SNAP47: variants seen among roughly 807,000 people sequenced by gnomAD.
SNAP47 encodes synaptosome associated protein 47.
Under a neutral mutation model 31.4 loss-of-function variants are expected in SNAP47, and 20 were observed. That is an observed-to-expected ratio of 0.64 (90% CI 0.45 to 0.93). The LOEUF is 0.93. Among genes scored for constraint, SNAP47 ranks in the 40% least tolerant of loss-of-function variants. The pLI is 0.00. For synonymous variants in SNAP47, 194 were observed against 213.4 expected (o/e 0.91, Z 0.79); for missense variants, 492 against 528.5 (o/e 0.93, Z 0.68).
chr1:227,745,556 C>T (rs781195622), intron 1 of SNAP47, among the ~76,000 whole-genome samples: 21 of 152,162 alleles, frequency 1.4e-4, no homozygotes, highest in Non-Finnish European at 2.9e-4. Flanking sequence ...ATGTCATACA[C>T]ATCACCCAGG....
intron 4 of SNAP47, among the ~76,000 whole-genome samples, chr1:227,771,658 ACC>A (rs1663817189): frequency 2.0e-5 from 1 of 49,068 alleles, no homozygotes; most frequent in African/African-American, 8.2e-5. Flanking sequence ...CACCCCGCCC[ACC>A]CCCACCCCCA....
chr1:227,732,555 C>T (rs772265388), upstream of SNAP47: 14 of 1,613,342 alleles, frequency 8.7e-6, no homozygotes, highest in Non-Finnish European at 1.2e-5. Context: ...CTGTTCGAAA[C>T]CCAACCCAGC....
rs564037196 is a variant in SNAP47, at chr1:227,773,764, G to T, written c.1113+6681G>T. On this transcript the variant is annotated intron_variant, in intron 4 of 4. Coordinates refer to ENST00000617596, the MANE Select transcript of SNAP47 (RefSeq NM_053052.4). ...GTGTGCCATGCAGGCCTGCAGCTTG[G>T]GGGGGTGTGCCCCGCTACACAGCCG... Among the ~76,000 whole-genome samples the T allele has an allele frequency of 1.4e-4, 21 of 152,310 alleles. No individual in the cohort carries two copies. In the South Asian group the frequency reaches 3.5e-3, roughly 26 times the overall value.
chr1:227,728,323 G>A (rs960042148), upstream of SNAP47, among the ~76,000 whole-genome samples: 2 of 152,082 alleles, frequency 1.3e-5, no homozygotes, highest in African/African-American at 2.4e-5. Context: ...GGCTGGGGCT[G>A]CAGGGCCGGT....
upstream of SNAP47, chr1:227,731,951 G>A (rs1660678453): frequency 5.5e-6 from 1 of 182,596 alleles, no homozygotes; most frequent in East Asian, 1.3e-4. Context: ...TGGAGGCCCT[G>A]GTGAGCTTGC....
chr1:227,735,005 G>GC, upstream of SNAP47: 4 of 1,520,548 alleles, frequency 2.6e-6, no homozygotes, highest in Non-Finnish European at 3.5e-6. Context: ...TGCGGCCGCC[G>GC]CCCCACCGTA....
chr1:227,728,202 G>A (rs565889340), upstream of SNAP47, among the ~76,000 whole-genome samples: 3 of 152,326 alleles, frequency 2.0e-5, 1 homozygote, highest in Admixed American at 2.0e-4. Context: ...TCCGGGCTAG[G>A]AGGTTTTCCC....
upstream of SNAP47, chr1:227,730,545 C>G (rs1385556276): frequency 4.6e-5 from 7 of 152,178 alleles, no homozygotes; most frequent in Non-Finnish European, 8.8e-5. Context: ...TATCTCCCCC[C>G]ACAGAGCTTC....
upstream of SNAP47, chr1:227,735,386 G>C (rs749054018): frequency 2.5e-6 from 4 of 1,583,908 alleles, no homozygotes; most frequent in African/African-American, 5.4e-5. Flanking sequence ...CCCCGCCAGC[G>C]CCTGGGGCTC....
In SNAP47 at chr1:227,764,548, A is replaced by G. The variant is rs546740528; in HGVS notation, c.989-2411A>G. Among the ~76,000 whole-genome samples the G allele has an allele frequency of 3.3e-5, 5 of 152,296 alleles. No homozygotes were observed. The East Asian group carries it at 9.7e-4, about 29-fold the overall frequency. On this transcript the variant is annotated intron_variant, in intron 3 of 4. Transcript: ENST00000617596. The stretch of plus-strand genomic sequence containing the variant: ...TTTGGGAAGCCAATGTGGGAGGATC[A>G]CTTGGGTGCAGGAGGACGAGACCAG...
chr1:227,758,444 C>T (rs1662826482), intron 2 of SNAP47, among the ~76,000 whole-genome samples: 1 of 152,224 alleles, frequency 6.6e-6, no homozygotes, highest in South Asian at 2.1e-4. Flanking sequence ...GGAGGAGGTG[C>T]AGTCGGCACC....
intron 1 of SNAP47, chr1:227,746,921 A>T (rs1198694758): frequency 6.6e-6 from 1 of 152,170 alleles, no homozygotes; most frequent in African/African-American, 2.4e-5. Context: ...TCTTAACCTT[A>T]CATTATCTGT....
intron 1 of SNAP47, chr1:227,745,717 C>T (rs780675540): frequency 2.6e-5 from 4 of 152,138 alleles, no homozygotes; most frequent in African/African-American, 9.7e-5. Context: ...TGGAGAGCCC[C>T]GGGTTCAGGA....
intron 4 of SNAP47, among the ~76,000 whole-genome samples, chr1:227,768,084 C>T (rs147934911): frequency 1.4e-4 from 21 of 152,334 alleles, no homozygotes; most frequent in African/African-American, 4.3e-4. Flanking sequence ...CAGAAAGAAC[C>T]GTACTGCCAC....
Position 227,759,475 on chromosome 1 carries a change from C to T in SNAP47, c.978C>T (p.Val326=), listed in dbSNP as rs781514688. 10 of 1,613,772 alleles carry T rather than the reference C, an allele frequency of 6.2e-6. No homozygotes were observed. The highest frequency in any genetic ancestry group is 3.4e-6 in the Non-Finnish European group (4 of 1,179,782). ...TSSPAEKSCS[V]WHAASGLMGR... is the part of the protein sequence containing the mutation. ...CCCCCGCAGAGAAGAGCTGCTCAGTCTGGCATGCAGGTTAGTGACCGACAA... is the reference window on the plus strand; with the variant it reads ...CCCCCGCAGAGAAGAGCTGCTCAGTTTGGCATGCAGGTTAGTGACCGACAA... Residue 326 remains valine (V), a synonymous_variant, in exon 3 of 5, where the codon GTC becomes GTT. Coordinates refer to ENST00000617596, the MANE Select transcript of SNAP47 (RefSeq NM_053052.4).
intron 4 of SNAP47, among the ~76,000 whole-genome samples, chr1:227,777,980 AGCTT>A (rs1217409633): frequency 3.9e-5 from 6 of 152,268 alleles, no homozygotes; most frequent in Admixed American, 2.0e-4. Flanking sequence ...GAACAATGTC[AGCTT>A]ACATTGCATA....
At chr1:227,757,296 G>A (rs1425812228) in intron 2 of SNAP47, among the ~76,000 whole-genome samples, 1 of 152,218 alleles carries the variant, frequency 6.6e-6, no homozygotes, top group Non-Finnish European at 1.5e-5. Flanking sequence ...AAAAGAAAAC[G>A]TGTGAGTGTG....
At position 227,751,757 on chromosome 1, in the gene SNAP47, T is replaced by G. The variant is rs1333590263; in HGVS notation, c.497+3524T>G. ...CATAAAGACTTGGTTTTTTTTTTTTTTTTTTTTTTTTTTTTTTTTTTTTTG... is the reference window on the plus strand; with the variant it reads ...CATAAAGACTTGGTTTTTTTTTTTTGTTTTTTTTTTTTTTTTTTTTTTTTG... On this transcript the variant is annotated intron_variant, in intron 2 of 4. Transcript: ENST00000617596. 3.1e-3 allele frequency among the ~76,000 whole-genome samples: 201 copies of G among 63,870 alleles called. 1 individual carries two copies. Among genetic ancestry groups the G allele is most frequent in the African/African-American group, 0.012 (194 of 16,500 alleles). The allele number at this position is 63,870 out of a possible 152,430, so 41.9% of individuals were successfully genotyped here. A position where few individuals can be genotyped will look rare whatever the true frequency, so the allele number is the denominator to read the frequency against.
upstream of SNAP47, chr1:227,735,297 CCCT>C (rs1419205723): frequency 2.5e-6 from 4 of 1,604,932 alleles, no homozygotes; most frequent in Non-Finnish European, 3.4e-6. Flanking sequence ...GGTCGAAGGA[CCCT>C]CCTCCTCACT....
Sources: gnomAD v4.1 joint callset for allele counts (sites outside exome capture counted in the v4.1 genomes callset) on GRCh38, gnomAD v4.1.1 for gene constraint, MANE v1.5 for transcripts, NCBI Gene and HGNC (gene_info 2026-07-23, HGNC 2026-07-21) for gene names.